Variants in GARRE1 observed in about 807,000 individuals in gnomAD.
GARRE1 encodes granule associated Rac and RHOG effector protein 1.
Under a neutral mutation model 103.2 loss-of-function variants are expected in GARRE1, and 49 were observed. The ratio of observed to expected loss-of-function variants is 0.47; its 90% CI spans 0.38 to 0.60. The LOEUF is 0.60. GARRE1 is among the 20% of genes least tolerant of loss of function. GARRE1 has a pLI of 0.00. For synonymous variants in GARRE1, 505 were observed against 532.8 expected (o/e 0.95, Z 0.72); for missense variants, 1,199 against 1,370.5 (o/e 0.87, Z 1.98).
At chr19:34,339,276 C>T (rs992412735) in intron 8 of GARRE1, among the ~76,000 whole-genome samples, 1 of 152,182 alleles carries the variant, frequency 6.6e-6, no homozygotes, top group Non-Finnish European at 1.5e-5. Context: ...TGGGGGTTCC[C>T]AAAACCTCCA....
At chr19:34,319,782 A>G in intron 2 of GARRE1, 125 bp from the exon 3 acceptor site, 1 of 825,828 alleles carries the variant, frequency 1.2e-6, no homozygotes, top group Non-Finnish European at 2.0e-6. Context: ...GTGGCCTTTT[A>G]ACTTTGTATG....
At chr19:34,286,082 A>G (rs2073884424) in intron 1 of GARRE1, among the ~76,000 whole-genome samples, 1 of 152,228 alleles carries the variant, frequency 6.6e-6, no homozygotes, top group Non-Finnish European at 1.5e-5. Context: ...CTGTAATCCC[A>G]GCACTCTGGA....
intron 1 of GARRE1, among the ~76,000 whole-genome samples, chr19:34,263,767 G>A (rs1045354261): frequency 1.1e-4 from 16 of 152,154 alleles, no homozygotes; most frequent in African/African-American, 3.1e-4. Flanking sequence ...GATTACAGGC[G>A]CGAGTCACCG....
chr19:34,260,025 T>C (rs2073706125), intron 1 of GARRE1, among the ~76,000 whole-genome samples: 1 of 152,226 alleles, frequency 6.6e-6, no homozygotes, highest in Non-Finnish European at 1.5e-5. Flanking sequence ...GAACTGTGAA[T>C]CAATTAAGCC....
intron 1 of GARRE1, among the ~76,000 whole-genome samples, chr19:34,255,723 C>T (rs2073667931): frequency 6.8e-6 from 1 of 147,860 alleles, no homozygotes. Context: ...GGTCTCAAAA[C>T]TTCTGGCCTC....
chr19:34,333,871 C>A, intron 8 of GARRE1, 70 bp downstream of exon 8: 1 of 965,152 alleles, frequency 1.0e-6, no homozygotes, highest in Non-Finnish European at 1.7e-6. Context: ...AAATGATGGC[C>A]TTGTTTTGAA....
intron 1 of GARRE1, among the ~76,000 whole-genome samples, chr19:34,299,023 C>T (rs1388157035): frequency 1.3e-5 from 2 of 152,146 alleles, no homozygotes; most frequent in African/African-American, 2.4e-5. Context: ...TTGGAAGAAT[C>T]GTGTCTGTAA....
chr19:34,275,465 C>T (rs1054574505), intron 1 of GARRE1, among the ~76,000 whole-genome samples: 3 of 151,662 alleles, frequency 2.0e-5, no homozygotes, highest in Admixed American at 6.6e-5. Flanking sequence ...AATGGATTTA[C>T]GTAATTGGTA....
At chr19:34,258,993 C>G (rs1285565047) in intron 1 of GARRE1, among the ~76,000 whole-genome samples, 1 of 152,012 alleles carries the variant, frequency 6.6e-6, no homozygotes, top group East Asian at 1.9e-4. Flanking sequence ...TGAGATCAGC[C>G]TAGGCAACAT....
At position 34,353,767 on chromosome 19, in the gene GARRE1, G is replaced by C. The variant is rs1024772197; in HGVS notation, c.*812G>C. 6.6e-6 allele frequency: 1 copy of C among 152,240 alleles called. No individual in the cohort carries two copies. The highest frequency in any genetic ancestry group is 1.5e-5 in the Non-Finnish European group (1 of 68,054). The allele number at this position is 152,240 out of a possible 1,614,324, so 9.4% of individuals were successfully genotyped here. A position where few individuals can be genotyped will look rare whatever the true frequency, so the allele number is the denominator to read the frequency against. ...AGCAAGGCTGCACCTGCTGCCCTTC[G>C]ATCCTTCCACACATGGCCAGGACAC... is the stretch of plus-strand genomic sequence containing the variant. On this transcript the variant is annotated 3_prime_UTR_variant, in exon 14 of 14. Transcript: ENST00000299505.
intron 1 of GARRE1, among the ~76,000 whole-genome samples, chr19:34,264,145 G>A (rs1305923350): frequency 1.3e-5 from 2 of 152,196 alleles, no homozygotes; most frequent in Non-Finnish European, 2.9e-5. Context: ...TTTGGAAAGG[G>A]AGAGCATGCA....
intron 1 of GARRE1, among the ~76,000 whole-genome samples, chr19:34,291,396 A>G (rs1450803027): frequency 6.6e-6 from 1 of 152,236 alleles, no homozygotes; most frequent in Non-Finnish European, 1.5e-5. Context: ...TTATGTGAAG[A>G]AAGTGACAAA....
At chr19:34,323,686 C>G (rs1400770365) in intron 3 of GARRE1, among the ~76,000 whole-genome samples, 1 of 152,124 alleles carries the variant, frequency 6.6e-6, no homozygotes, top group Non-Finnish European at 1.5e-5. Flanking sequence ...GTCCTCCTGG[C>G]TGCTGGGCCC....
chr19:34,331,706 TATGGTGGCAGGGC>T (rs2074138710), intron 7 of GARRE1, among the ~76,000 whole-genome samples: 1 of 152,100 alleles, frequency 6.6e-6, no homozygotes, highest in African/African-American at 2.4e-5. Context: ...TTCAAAAACA[TATGGTGGCAGGGC>T]GTGGTGGCTC....
Position 34,298,716 on chromosome 19 carries a change from T to A in GARRE1, c.-795-963T>A, listed in dbSNP as rs562062197. 4.6e-4 allele frequency among the ~76,000 whole-genome samples: 57 copies of A among 125,086 alleles called. No homozygotes were observed. In the South Asian group the frequency reaches 0.012, roughly 26 times the overall value. The allele number at this position is 125,086 out of a possible 152,430, so 82.1% of individuals were successfully genotyped here. A position where few individuals can be genotyped will look rare whatever the true frequency, so the allele number is the denominator to read the frequency against. On this transcript the variant is annotated intron_variant, in intron 1 of 13. Transcript: ENST00000299505. ...CAGCAAGACTCCATCTCAAAAAAAA[T>A]AATAATAATAAGTTAAATATGTGGT...
intron 1 of GARRE1, among the ~76,000 whole-genome samples, chr19:34,269,582 A>G (rs1189382468): frequency 6.6e-6 from 1 of 151,988 alleles, no homozygotes. Flanking sequence ...ATTTATTTTG[A>G]GAGAGGCCCT....
chr19:34,300,631 C>A lies in GARRE1; in HGVS notation c.158C>A (p.Pro53His), dbSNP rs1368345916. 5.0e-6 allele frequency: 8 copies of A among 1,613,704 alleles called. No homozygotes were observed. In the East Asian group the frequency reaches 6.7e-5, roughly 13 times the overall value. Residue 53 changes from proline to histidine, a missense_variant, in exon 2 of 14, where the codon CCC (proline) becomes CAC (histidine). By Grantham distance (77) the Pro-to-His change is moderately conservative. Coordinates refer to ENST00000299505, the MANE Select transcript of GARRE1 (RefSeq NM_014686.5). The stretch of plus-strand genomic sequence containing the variant: ...CTGGCATCCACGGCCACCACTGCCC[C>A]CCTGGGCAGTCTGACCGCTGCAGGC... ...APLASTATTA[P>H]LGSLTAAGSC...
At chr19:34,340,496 C>G (rs2074181014) in intron 9 of GARRE1, among the ~76,000 whole-genome samples, 1 of 123,062 alleles carries the variant, frequency 8.1e-6, no homozygotes, top group Non-Finnish European at 1.8e-5. Context: ...TGTCTTTGGT[C>G]TTGTCATCTT....
chr19:34,286,522 C>G (rs939121327), intron 1 of GARRE1, among the ~76,000 whole-genome samples: 1 of 130,130 alleles, frequency 7.7e-6, no homozygotes, highest in Non-Finnish European at 1.6e-5. Context: ...CCCAGCCAAC[C>G]TTTCTGTATT....
Sources: gnomAD v4.1 joint callset for allele counts (sites outside exome capture counted in the v4.1 genomes callset) on GRCh38, gnomAD v4.1.1 for gene constraint, MANE v1.5 for transcripts, NCBI Gene and HGNC (gene_info 2026-07-23, HGNC 2026-07-21) for gene names.